Variants in SULF2 observed in about 807,000 individuals in gnomAD.
SULF2 encodes sulfatase 2.
In SULF2, 52 loss-of-function variants were observed where a neutral mutation model predicts 107.7. The observed-to-expected ratio is 0.48, with a 90% CI of 0.39 to 0.61. SULF2 has a LOEUF of 0.61. Ranked by LOEUF, SULF2 falls within the 20% of genes least tolerant of loss-of-function variation. The pLI is 0.00. For synonymous variants in SULF2, 460 were observed against 464.3 expected (o/e 0.99, Z 0.12); for missense variants, 993 against 1,177.3 (o/e 0.84, Z 2.29).
At chr20:47,676,399 T>G in intron 10 of SULF2, 95 bp downstream of exon 10, 1 of 1,437,180 alleles carries the variant, frequency 7.0e-7, no homozygotes, top group Non-Finnish European at 9.3e-7. Flanking sequence ...TGGGAGGCCC[T>G]GGCCCTGCTG....
chr20:47,726,965 C>A (rs1267036511), intron 3 of SULF2, among the ~76,000 whole-genome samples: 1 of 152,086 alleles, frequency 6.6e-6, no homozygotes, highest in African/African-American at 2.4e-5. Context: ...TTCAGGGCGG[C>A]CACACTGCTC....
intron 1 of SULF2, among the ~76,000 whole-genome samples, chr20:47,779,752 G>C (rs951383059): frequency 6.6e-6 from 1 of 152,012 alleles, no homozygotes; most frequent in Non-Finnish European, 1.5e-5. Context: ...GATTACAGGT[G>C]TGCGCCACCG....
intron 4 of SULF2, among the ~76,000 whole-genome samples, chr20:47,696,393 C>T (rs531049791): frequency 1.2e-3 from 95 of 78,054 alleles, no homozygotes; most frequent in Admixed American, 6.4e-3. Context: ...GATTAGATTA[C>T]TCCTTACCAC....
At chr20:47,741,107 G>T (rs2089868199) in intron 2 of SULF2, among the ~76,000 whole-genome samples, 1 of 152,094 alleles carries the variant, frequency 6.6e-6, no homozygotes, top group Non-Finnish European at 1.5e-5. Flanking sequence ...CTTCCTGATT[G>T]GACTCCAGTC....
chr20:47,741,311 C>A (rs1414488445), intron 2 of SULF2, among the ~76,000 whole-genome samples: 1 of 151,242 alleles, frequency 6.6e-6, no homozygotes, highest in Non-Finnish European at 1.5e-5. Flanking sequence ...CACAGACTGA[C>A]CAGGCGTGCT....
intron 3 of SULF2, among the ~76,000 whole-genome samples, chr20:47,707,644 A>T (rs900413237): frequency 6.6e-6 from 1 of 152,046 alleles, no homozygotes; most frequent in Middle Eastern, 3.2e-3. Flanking sequence ...CCAGCACTCA[A>T]TTCCTCCCCT....
chr20:47,781,489 A>G (rs1423295543), intron 1 of SULF2, among the ~76,000 whole-genome samples: 1 of 152,212 alleles, frequency 6.6e-6, no homozygotes, highest in Non-Finnish European at 1.5e-5. Context: ...GACAAAAAAC[A>G]GTCCAATCAG....
intron 1 of SULF2, among the ~76,000 whole-genome samples, chr20:47,767,403 G>C (rs1485029802): frequency 1.3e-5 from 2 of 152,212 alleles, no homozygotes; most frequent in Non-Finnish European, 2.9e-5. Context: ...CCAGCACTTT[G>C]GGAGGCCAAG....
chr20:47,716,326 G>A (rs1316526996), intron 3 of SULF2, among the ~76,000 whole-genome samples: 1 of 152,190 alleles, frequency 6.6e-6, no homozygotes, highest in African/African-American at 2.4e-5. Context: ...CCAATGTGGT[G>A]AAACCCTGTC....
intron 2 of SULF2, among the ~76,000 whole-genome samples, chr20:47,754,453 A>G (rs1403867507): frequency 6.7e-6 from 1 of 149,762 alleles, no homozygotes; most frequent in Non-Finnish European, 1.5e-5. Flanking sequence ...TAAAAAGCCT[A>G]TCATGCCCCT....
intron 3 of SULF2, among the ~76,000 whole-genome samples, chr20:47,728,441 G>C (rs536431515): frequency 6.6e-6 from 1 of 152,236 alleles, no homozygotes; most frequent in African/African-American, 2.4e-5. Context: ...TGGTGGGAGT[G>C]GGGGTGGAGA....
At chr20:47,742,344 T>A (rs2089904410) in intron 2 of SULF2, among the ~76,000 whole-genome samples, 1 of 152,202 alleles carries the variant, frequency 6.6e-6, no homozygotes, top group South Asian at 2.1e-4. Context: ...CCAGCCAACC[T>A]CAACTTCTTT....
chr20:47,679,160 G>C (rs373022651), intron 7 of SULF2, among the ~76,000 whole-genome samples: 77 of 152,136 alleles, frequency 5.1e-4, no homozygotes, highest in African/African-American at 1.7e-3. Flanking sequence ...CTGAACCTCT[G>C]GGGCAGACAC....
intron 5 of SULF2, among the ~76,000 whole-genome samples, chr20:47,687,200 G>A (rs1330273434): frequency 1.3e-5 from 2 of 152,026 alleles, no homozygotes; most frequent in Non-Finnish European, 2.9e-5. Flanking sequence ...GCCCCGGCTC[G>A]GAGAGAGCGC....
chr20:47,743,028 A>AC (rs1396011316), intron 2 of SULF2, among the ~76,000 whole-genome samples: 1 of 133,874 alleles, frequency 7.5e-6, no homozygotes, highest in Non-Finnish European at 1.5e-5. Flanking sequence ...GGAACCCTGT[A>AC]CCCCTCCCAG....
intron 1 of SULF2, among the ~76,000 whole-genome samples, chr20:47,781,448 C>T (rs2090832260): frequency 6.6e-6 from 1 of 152,230 alleles, no homozygotes; most frequent in African/African-American, 2.4e-5. Flanking sequence ...CAATTGTTGG[C>T]AACTCATTTC....
At chr20:47,677,188 C>T (rs1429616788) in intron 8 of SULF2, 54 bp from the exon 9 acceptor site, 8 of 1,599,906 alleles carry the variant, frequency 5.0e-6, no homozygotes, top group Non-Finnish European at 6.8e-6. Context: ...TCCCACGACC[C>T]CCCGTTCCCC....
Position 47,757,313 on chromosome 20 carries a change from G to A in SULF2, c.51C>T (p.Ser17=). Residue 17 remains serine, a synonymous_variant, in exon 2 of 21, where the codon TCC becomes TCT. Transcript: ENST00000688720. ...VLCLLSATVF[S]LLGGSSAFLS... ...GGAAGGCCGAGCTTCCACCCAGCAG[G>A]GAGAACACAGTTGCGGACAGCAAGC... is the stretch of plus-strand genomic sequence containing the variant. 4 of 1,602,052 alleles carry A rather than the reference G, an allele frequency of 2.5e-6. 1 individual carries two copies. Among genetic ancestry groups the A allele is most frequent in the Non-Finnish European group, 1.7e-6 (2 of 1,174,066 alleles).
In SULF2 at chr20:47,659,298, C is replaced by G. The variant is rs1602567591; in HGVS notation, c.2582+101G>C. On this transcript the variant is annotated intron_variant, in intron 20 of 20. Transcript: ENST00000688720. ...CCCCCACCCTCATCATGAGAACAAA[C>G]AAAGGGTGGTATGTAAGAAATGGCA... 4.8e-6 allele frequency: 5 copies of G among 1,050,378 alleles called. No homozygotes were observed. In the East Asian group the frequency reaches 7.2e-5, roughly 15 times the overall value. 65.1% of individuals were successfully genotyped at this position (1,050,378 alleles called of 1,614,324 possible).
Sources: gnomAD v4.1 joint callset for allele counts (sites outside exome capture counted in the v4.1 genomes callset) on GRCh38, gnomAD v4.1.1 for gene constraint, MANE v1.5 for transcripts, NCBI Gene and HGNC (gene_info 2026-07-23, HGNC 2026-07-21) for gene names.